The following GNAS variants were observed in gnomAD, a reference collection of about 807,000 sequenced individuals.
GNAS encodes the protein GNAS complex locus.
In GNAS, 8 loss-of-function variants were observed where a neutral mutation model predicts 54.5. The ratio of observed to expected loss-of-function variants is 0.15; its 90% CI spans 0.09 to 0.26. The LOEUF (loss-of-function observed/expected upper bound fraction) is 0.26, where lower values mean the gene tolerates loss of function less well. GNAS is among the 10% of genes least tolerant of loss of function. The pLI, the probability that GNAS is intolerant of heterozygous loss-of-function variation, is 1.00. For missense variants in GNAS, 170 were observed against 529.8 expected, an observed-to-expected ratio of 0.32 and a Z score of 6.67; for synonymous variants, 204 against 191.4, an observed-to-expected ratio of 1.07 and a Z score of -0.54.
chr20:58,884,634 C>G (rs2088466106), intron 1 of GNAS: 1 of 152,236 alleles, frequency 6.6e-6, no homozygotes, highest in Non-Finnish European at 1.5e-5. Flanking sequence ...GGATGAGTTT[C>G]CATCTTCAAG....
intron 3 of GNAS, among the ~76,000 whole-genome samples, chr20:58,902,824 C>T (rs555856550): frequency 3.4e-5 from 5 of 148,826 alleles, no homozygotes; most frequent in African/African-American, 5.0e-5. Flanking sequence ...CTCCGCCTCC[C>T]GGGTTCAAGC....
At chr20:58,899,099 A>G (rs2090354929) in intron 3 of GNAS, 114 bp downstream of exon 3, 3 of 839,146 alleles carry the variant, frequency 3.6e-6, no homozygotes, top group African/African-American at 3.3e-5. Flanking sequence ...TTAAAGGACC[A>G]TCAGCCATAT....
At position 58,840,867 on chromosome 20, in the gene GNAS, C is replaced by T. The variant is rs778743536; in HGVS notation, c.24C>T (p.Leu8=). ...TAATGGAGGACGCCGTCCAGATTCT[C>T]CTTGTTTTCATGGATTCAGGTTAGT... The change falls in exon 1 of 13, where the codon CTC becomes CTT. Residue 8 remains leucine, a synonymous_variant. Coordinates refer to the GNAS transcript ENST00000306090. This position sits in a 1 kb window ranked among gnomAD's most constrained non-coding sequence, Gnocchi z 6.0. 1.9e-6 allele frequency: 3 copies of T among 1,612,662 alleles called. No homozygotes were observed. The highest frequency in any genetic ancestry group is 2.5e-6 in the Non-Finnish European group (3 of 1,179,958).
upstream of GNAS, chr20:58,891,323 T>TCCC (rs1325102852): frequency 8.1e-6 from 1 of 123,674 alleles, no homozygotes; most frequent in East Asian, 3.2e-4. Context: ...CGCCTCCTCC[T>TCCC]CCCCCCGCCT....
intron 3 of GNAS, among the ~76,000 whole-genome samples, chr20:58,902,609 T>G (rs2090721173): frequency 6.6e-6 from 1 of 151,804 alleles, no homozygotes; most frequent in Non-Finnish European, 1.5e-5. Context: ...TTATAAGGCC[T>G]TCTAGGGGGT....
intron 1 of GNAS, among the ~76,000 whole-genome samples, chr20:58,859,739 G>C (rs2086685370): frequency 6.6e-6 from 1 of 151,168 alleles, no homozygotes; most frequent in African/African-American, 2.4e-5. Flanking sequence ...CGATTCTCCT[G>C]CCTCAGCCTC....
At position 58,863,824 on chromosome 20, in the gene GNAS, T is replaced by A. The variant is rs2086897371; in HGVS notation, c.43+22938T>A. The A allele has an allele frequency of 6.5e-6, 1 of 152,672 alleles. No individual in the cohort carries two copies. The highest frequency in any genetic ancestry group is 2.4e-5 in the African/African-American group (1 of 41,456). 9.5% of individuals were successfully genotyped at this position (152,672 alleles called of 1,614,324 possible). On this transcript the variant is annotated intron_variant, in intron 1 of 12. Coordinates refer to the GNAS transcript ENST00000306090. This position sits in a 1 kb window ranked among gnomAD's most constrained non-coding sequence, Gnocchi z 4.1. ...CCATTCATCAAACTGATTGCTAATG[T>A]GCAAATTACATGATGGTATTTTTAC...
intron 3 of GNAS, among the ~76,000 whole-genome samples, chr20:58,902,636 C>A (rs141125626): frequency 1.6e-3 from 239 of 150,584 alleles, no homozygotes; most frequent in African/African-American, 5.2e-3. Context: ...TTATTTGATT[C>A]CTATTGCACA....
In GNAS at chr20:58,847,460, T is replaced by C. The variant is rs73129548; in HGVS notation, c.43+6574T>C. Among the ~76,000 whole-genome samples, 1,066 of 152,350 alleles carry C rather than the reference T, an allele frequency of 7.0e-3. 6 individuals carry two copies. Among genetic ancestry groups the C allele is most frequent in the Non-Finnish European group, 0.012 (831 of 68,038 alleles). On this transcript the variant is annotated intron_variant, in intron 1 of 12. Transcript: ENST00000306090. ...CAAGTCTTGATTGAAAAGTAATTAA[T>C]TGTACAGCTTCAAAGTCTATTACTA...
intron 1 of GNAS, among the ~76,000 whole-genome samples, chr20:58,844,668 T>G (rs1381891382): frequency 7.5e-6 from 1 of 132,814 alleles, no homozygotes; most frequent in Non-Finnish European, 1.6e-5. Flanking sequence ...GTTGTCCAAT[T>G]TGACTCTACA....
At chr20:58,899,895 T>C (rs186497992) in intron 3 of GNAS, 31 of 716,758 alleles carry the variant, frequency 4.3e-5, no homozygotes, top group Non-Finnish European at 7.0e-5. Flanking sequence ...GGCAAAGATA[T>C]TGGGGTCTGG....
chr20:58,891,403 GGCGGCGGCA>G (rs1352426622), upstream of GNAS: 116 of 273,254 alleles, frequency 4.2e-4, no homozygotes, highest in South Asian at 5.0e-4. Context: ...TAAGAGCGGC[GGCGGCGGCA>G]GCGGCGGCAG....
intron 3 of GNAS, among the ~76,000 whole-genome samples, chr20:58,901,416 T>G (rs1213301545): frequency 2.6e-5 from 4 of 152,186 alleles, no homozygotes; most frequent in Non-Finnish European, 5.9e-5. Context: ...TTTAAGAGTC[T>G]GGGGGCCAGA....
At position 58,909,601 on chromosome 20, in the gene GNAS, T is replaced by C; in HGVS notation, c.718+22T>C. ...AACGGTAGGATGCTGTGGGCTTGGC[T>C]GTTCGTAAAGAACGCTTTGCTTCTG... is the stretch of plus-strand genomic sequence containing the variant. On this transcript the variant is annotated intron_variant, in intron 9 of 12. Coordinates refer to ENST00000371085, the MANE Select transcript of GNAS (RefSeq NM_000516.7). The surrounding 1 kb of genome is among the most constrained non-coding windows in gnomAD (Gnocchi z 7.3). The C allele has an allele frequency of 1.2e-6, 2 of 1,614,190 alleles. No homozygotes were observed. The highest frequency in any genetic ancestry group is 1.7e-6 in the Non-Finnish European group (2 of 1,179,990).
chr20:58,854,550 CCCG>C, intron 1 of GNAS: 1 of 1,572,658 alleles, frequency 6.4e-7, no homozygotes, highest in Non-Finnish European at 8.6e-7. Context: ...CGCAGCCGAT[CCCG>C]ACTCCGGGGC....
chr20:58,855,022 C>G lies in GNAS; in HGVS notation c.43+14136C>G, dbSNP rs747926163. ...GGAGACGAGTCCGACGATGGGACCT[C>G]CGGATGCCTCCGCTGGTTTCAGCAT... is the stretch of plus-strand genomic sequence containing the variant. On this transcript the variant is annotated intron_variant, in intron 1 of 12. Transcript: ENST00000306090. The G allele has an allele frequency of 3.7e-6, 6 of 1,612,646 alleles. No homozygotes were observed. In the East Asian group the frequency reaches 1.1e-4, roughly 30 times the overall value.
In GNAS at chr20:58,848,121, T is replaced by C. The variant is rs372051587; in HGVS notation, c.43+7235T>C. ...TGGGCCATTTGGCTTTCCTCAGACA[T>C]GCAGAGTTTAATGGAAGCATGAGAA... On this transcript the variant is annotated intron_variant, in intron 1 of 12. Coordinates refer to the GNAS transcript ENST00000306090. Among the ~76,000 whole-genome samples, 40 of 152,366 alleles carry C rather than the reference T, an allele frequency of 2.6e-4. No homozygotes were observed. The South Asian group carries it at 8.1e-3, about 31-fold the overall frequency.
At chr20:58,892,747 G>C (rs1037331956) in intron 1 of GNAS, among the ~76,000 whole-genome samples, 13 of 151,906 alleles carry the variant, frequency 8.6e-5, no homozygotes, top group African/African-American at 3.1e-4. Context: ...AAAATGGATA[G>C]AGTTAGTACG....
Position 58,891,693 on chromosome 20 carries a change from AGCCCGGCCGC to A in GNAS, c.-29_-20del. ...GGCCGCCCGCGCCCGCCGCCGCCGC[AGCCCGGCCGC>A]GCCCCGCCGCCGCCGCCGCCGCCAT... On this transcript the variant is annotated 5_prime_UTR_variant, in exon 1 of 13. Transcript: ENST00000371085. The A allele has an allele frequency of 2.0e-6, 2 of 984,250 alleles. No homozygotes were observed. Among genetic ancestry groups the A allele is most frequent in the Non-Finnish European group, 2.4e-6 (2 of 827,546 alleles). The allele number at this position is 984,250 out of a possible 1,614,324, so 61.0% of individuals were successfully genotyped here.
Sources: allele counts gnomAD v4.1 joint callset (sites outside exome capture counted in the v4.1 genomes callset), GRCh38; gene constraint gnomAD v4.1.1; non-coding constraint Gnocchi (gnomAD v3.1); transcripts MANE v1.5; gene names NCBI Gene and HGNC (gene_info 2026-07-23, HGNC 2026-07-21).